The following SNRPG variants were observed in gnomAD, a reference collection of about 807,000 sequenced individuals.
SNRPG encodes small nuclear ribonucleoprotein polypeptide G, also known as small nuclear ribonucleoprotein G.
SNRPG carries 3 observed loss-of-function variants against 13.9 expected under a neutral mutation model. That is an observed-to-expected ratio of 0.22 (90% CI 0.10 to 0.56). SNRPG has a LOEUF of 0.56. Among genes scored for constraint, SNRPG ranks in the 20% least tolerant of loss-of-function variants. The pLI, the probability that SNRPG is intolerant of heterozygous loss-of-function variation, is 0.93. For synonymous variants in SNRPG, 29 were observed against 29.3 expected (o/e 0.99, Z 0.03); for missense variants, 34 against 96.1 (o/e 0.35, Z 2.70).
intron 1 of SNRPG, chr2:70,293,176 T>A: frequency 2.8e-6 from 2 of 702,436 alleles, no homozygotes. Flanking sequence ...AAGACTAAAG[T>A]GGCTTTCGGA....
intron 1 of SNRPG, among the ~76,000 whole-genome samples, 154 bp from the exon 2 acceptor site, chr2:70,289,526 AG>A (rs1383138357): frequency 2.0e-5 from 3 of 152,204 alleles, no homozygotes; most frequent in Admixed American, 6.5e-5. Flanking sequence ...GTAAAGAGTG[AG>A]GGAGTAGGGC....
intron 1 of SNRPG, chr2:70,292,889 G>C (rs1003155768): frequency 2.0e-6 from 1 of 489,060 alleles, no homozygotes; most frequent in Non-Finnish European, 3.7e-6. Flanking sequence ...AAAAGTATTT[G>C]AGGAATTCAA....
intron 1 of SNRPG, chr2:70,293,100 AAAG>A (rs1697144315): frequency 2.8e-6 from 2 of 702,374 alleles, no homozygotes; most frequent in South Asian, 1.5e-5. Context: ...GCTTAACGTA[AAAG>A]AAGGCAAGAA....
At chr2:70,293,067 G>C (rs928821061) in intron 1 of SNRPG, 2 of 698,200 alleles carry the variant, frequency 2.9e-6, no homozygotes, top group Middle Eastern at 2.3e-4. Flanking sequence ...CAACATCAGA[G>C]CAAGATAACA....
chr2:70,293,554 G>A (rs1697161494), intron 1 of SNRPG, 64 bp downstream of exon 1: 25 of 1,350,744 alleles, frequency 1.9e-5, no homozygotes, highest in South Asian at 1.6e-4. Context: ...AACGGAGAGG[G>A]AACCAAGGGA....
At chr2:70,288,251 C>T in intron 2 of SNRPG, 59 bp from the exon 3 acceptor site, 3 of 1,468,588 alleles carry the variant, frequency 2.0e-6, no homozygotes, top group South Asian at 2.3e-5. Context: ...CAAGCATTCA[C>T]TAAAAATCAG....
At chr2:70,287,374 G>A in intron 3 of SNRPG, 1 of 699,240 alleles carries the variant, frequency 1.4e-6, no homozygotes, top group Non-Finnish European at 2.6e-6. Flanking sequence ...ATGTTGTCCT[G>A]TGTTAGACAA....
intron 1 of SNRPG, among the ~76,000 whole-genome samples, chr2:70,291,841 A>AT (rs572776913): frequency 6.6e-6 from 1 of 152,104 alleles, no homozygotes; most frequent in Non-Finnish European, 1.5e-5. Flanking sequence ...AAAAAAAAAA[A>AT]AATCACCATT....
At chr2:70,287,648 C>A (rs1696976019) in intron 3 of SNRPG, among the ~76,000 whole-genome samples, 1 of 152,290 alleles carries the variant, frequency 6.6e-6, no homozygotes, top group Non-Finnish European at 1.5e-5. Context: ...TGTGAACTGG[C>A]AGATCTGCAT....
At chr2:70,291,877 G>A (rs950174933) in intron 1 of SNRPG, among the ~76,000 whole-genome samples, 2 of 149,444 alleles carry the variant, frequency 1.3e-5, no homozygotes, top group South Asian at 2.1e-4. Flanking sequence ...GAATCCAGAG[G>A]ATACTTACAT....
rs56202448 is a variant in SNRPG, at chr2:70,291,014, A to AACACACACACACAC, written c.33-1656_33-1643dup. Among the ~76,000 whole-genome samples, 157 of 133,660 alleles carry AACACACACACACAC rather than the reference A, an allele frequency of 1.2e-3. 2 individuals are homozygous for AACACACACACACAC. Among genetic ancestry groups the AACACACACACACAC allele is most frequent in the Middle Eastern group, 7.5e-3 (2 of 268 alleles). The allele number at this position is 133,660 out of a possible 152,430, so 87.7% of individuals were successfully genotyped here. Reference sequence around the variant, plus strand: ...CAATAAGAGTGAAACTCCATCTCAAAACACACACACACACACACACACACA... The same window carrying AACACACACACACAC: ...CAATAAGAGTGAAACTCCATCTCAAAACACACACACACACACACACACACACACACACACACACA... On this transcript the variant is annotated intron_variant, in intron 1 of 3. Transcript: ENST00000272348.
At chr2:70,287,879 T>C (rs1696981605) in intron 3 of SNRPG, 189 bp downstream of exon 3, 1 of 607,078 alleles carries the variant, frequency 1.6e-6, no homozygotes, top group African/African-American at 1.9e-5. Flanking sequence ...TTCTGTATAG[T>C]TGAGATCTTA....
At chr2:70,282,868 TG>T (rs1277065406) in intron 3 of SNRPG, among the ~76,000 whole-genome samples, 1 of 150,848 alleles carries the variant, frequency 6.6e-6, no homozygotes, top group Admixed American at 6.6e-5. Flanking sequence ...CCAAGGCGGG[TG>T]GATCACCTGA....
intron 3 of SNRPG, among the ~76,000 whole-genome samples, chr2:70,283,457 A>G (rs1696864213): frequency 6.6e-6 from 1 of 152,168 alleles, no homozygotes; most frequent in South Asian, 2.1e-4. Flanking sequence ...AGCTAGAGTA[A>G]AAGTAGTTGT....
At chr2:70,283,122 A>AAAAAAAAACAAC (rs1241967786) in intron 3 of SNRPG, among the ~76,000 whole-genome samples, 3 of 82,990 alleles carry the variant, frequency 3.6e-5, no homozygotes, top group African/African-American at 1.2e-4. Context: ...AAAAAAAAAA[A>AAAAAAAAACAAC]AACAACAAAC....
chr2:70,293,181 T>G (rs999325159), intron 1 of SNRPG: 1 of 702,306 alleles, frequency 1.4e-6, no homozygotes, highest in Non-Finnish European at 2.6e-6. Flanking sequence ...TAAAGTGGCT[T>G]TCGGATTCTG....
intron 3 of SNRPG, chr2:70,287,169 C>A: frequency 5.1e-6 from 3 of 585,798 alleles, no homozygotes; most frequent in South Asian, 2.1e-5. Context: ...AAAAATTAAA[C>A]AGGCAGAGAT....
At chr2:70,289,485 A>G (rs1250623474) in intron 1 of SNRPG, 113 bp from the exon 2 acceptor site, 1 of 605,328 alleles carries the variant, frequency 1.7e-6, no homozygotes, top group Non-Finnish European at 3.0e-6. Context: ...GGGAATAATG[A>G]AATCTAAAAT....
chr2:70,285,299 C>G (rs965755889), intron 3 of SNRPG, among the ~76,000 whole-genome samples: 1 of 152,090 alleles, frequency 6.6e-6, no homozygotes, highest in Non-Finnish European at 1.5e-5. Context: ...GCTGGCCAGG[C>G]GCGGTGGCTC....
Sources: allele counts gnomAD v4.1 joint callset (sites outside exome capture counted in the v4.1 genomes callset), GRCh38; gene constraint gnomAD v4.1.1; transcripts MANE v1.5; gene names NCBI Gene and HGNC (gene_info 2026-07-23, HGNC 2026-07-21).